USP30: variants seen among roughly 807,000 people sequenced by gnomAD.
USP30 encodes ubiquitin specific peptidase 30.
Under a neutral mutation model 68.2 loss-of-function variants are expected in USP30, and 41 were observed. The ratio of observed to expected loss-of-function variants is 0.60; its 90% CI spans 0.47 to 0.78. USP30 has a LOEUF of 0.78. USP30 is among the 30% of genes least tolerant of loss of function. USP30 has a pLI of 0.00. For missense variants in USP30, 522 were observed against 649.4 expected (o/e 0.80, Z 2.13); for synonymous variants, 229 against 253.7 (o/e 0.90, Z 0.93).
rs1169934932 is a variant in USP30, at chr12:109,087,133, G to T, written c.*1202G>T. ...ATTGAGCACTTTCTTCCCTTTTCAG[G>T]TAAGTCTCTGAATGCAGCCCAGGGC... On this transcript the variant is annotated 3_prime_UTR_variant, in exon 13 of 13. Coordinates refer to ENST00000257548, the MANE Select transcript of USP30 (RefSeq NM_032663.5). The T allele has an allele frequency of 6.6e-6, 1 of 152,002 alleles. No homozygotes were observed. The highest frequency in any genetic ancestry group is 1.5e-5 in the Non-Finnish European group (1 of 68,006). The allele number at this position is 152,002 out of a possible 1,614,324, so 9.4% of individuals were successfully genotyped here. A position where few individuals can be genotyped will look rare whatever the true frequency, so the allele number is the denominator to read the frequency against.
chr12:109,032,382 A>G (rs1329235565), intron 3 of USP30, among the ~76,000 whole-genome samples: 1 of 152,252 alleles, frequency 6.6e-6, no homozygotes, highest in Non-Finnish European at 1.5e-5. Flanking sequence ...AAAATTGGAA[A>G]CAAGTCAAAT....
rs189104041 is a variant in USP30, at chr12:109,029,023, C to T, written c.-136+1467C>T. Among the ~76,000 whole-genome samples, 34 of 152,308 alleles carry T rather than the reference C, an allele frequency of 2.2e-4. No individual in the cohort carries two copies. The East Asian group carries it at 5.8e-3, about 26-fold the overall frequency. ...ATGTTGGCTTGTTGTGGTCCTTACC[C>T]AATTACAGGGCATCTTTACAACTCC... On this transcript the variant is annotated intron_variant, in intron 3 of 15. Transcript: ENST00000392784.
intron 11 of USP30, 49 bp from the exon 12 acceptor site, chr12:109,084,904 T>C: frequency 6.7e-7 from 1 of 1,498,370 alleles, no homozygotes; most frequent in Non-Finnish European, 8.9e-7. Context: ...AGGTTTTGTT[T>C]ACAGAGCCAC....
intron 12 of USP30, 31 bp from the exon 13 acceptor site, chr12:109,085,636 T>G: frequency 1.2e-6 from 2 of 1,602,128 alleles, no homozygotes; most frequent in South Asian, 1.1e-5. Context: ...GTTAAAATTG[T>G]AAACCCCTGA....
intron 6 of USP30, among the ~76,000 whole-genome samples, chr12:109,072,571 T>A (rs933493090): frequency 1.1e-4 from 16 of 152,336 alleles, no homozygotes; most frequent in Admixed American, 1.0e-3. Context: ...CTGGCTTATT[T>A]GTACTTCAAA....
intron 3 of USP30, among the ~76,000 whole-genome samples, chr12:109,030,199 A>C (rs1479378296): frequency 1.3e-5 from 2 of 152,112 alleles, no homozygotes; most frequent in African/African-American, 4.8e-5. Context: ...AGTCAGACAC[A>C]CTCAGCTCTG....
chr12:109,026,683 G>T (rs1290161383), intron 2 of USP30, among the ~76,000 whole-genome samples: 1 of 151,720 alleles, frequency 6.6e-6, no homozygotes, highest in Non-Finnish European at 1.5e-5. Context: ...GCCCAGGCTG[G>T]TCTCAAACTC....
rs942676143 is a variant in USP30, at chr12:109,085,218, A to G, written c.1289+145A>G. ...GTTTCACGATTACACATTCCTATTT[A>G]TTTTTGTCCAAAATGGAAATAACTT... is the stretch of plus-strand genomic sequence containing the variant. On this transcript the variant is annotated intron_variant, in intron 12 of 12. Transcript: ENST00000257548. 5 of 1,027,314 alleles carry G rather than the reference A, an allele frequency of 4.9e-6. No individual in the cohort carries two copies. The Admixed American group carries it at 8.7e-5, about 18-fold the overall frequency. The allele number at this position is 1,027,314 out of a possible 1,614,324, so 63.6% of individuals were successfully genotyped here.
chr12:109,026,274 C>T (rs2040444439), intron 2 of USP30, among the ~76,000 whole-genome samples: 1 of 151,990 alleles, frequency 6.6e-6, no homozygotes, highest in Non-Finnish European at 1.5e-5. Flanking sequence ...CAGGGCTTCA[C>T]TGTGTTGCCC....
At chr12:109,049,897 T>C (rs1342708762), upstream of USP30, among the ~76,000 whole-genome samples, 1 of 152,230 alleles carries the variant, frequency 6.6e-6, no homozygotes, top group African/African-American at 2.4e-5. Context: ...GAGCACATGC[T>C]GTTGAAAATG....
chr12:109,032,746 C>T (rs927146944), intron 3 of USP30, among the ~76,000 whole-genome samples: 2 of 152,086 alleles, frequency 1.3e-5, no homozygotes, highest in Non-Finnish European at 2.9e-5. Context: ...GTTGCACAAC[C>T]CTGTGAATAT....
At chr12:109,024,391 G>A (rs1264994101) in intron 1 of USP30, among the ~76,000 whole-genome samples, 5 of 151,912 alleles carry the variant, frequency 3.3e-5, no homozygotes, top group Non-Finnish European at 7.4e-5. Flanking sequence ...CCGAATAGCT[G>A]GGATTACAGG....
At chr12:109,032,762 A>T (rs994182005) in intron 3 of USP30, among the ~76,000 whole-genome samples, 2 of 152,194 alleles carry the variant, frequency 1.3e-5, no homozygotes, top group African/African-American at 4.8e-5. Context: ...AATATACTTT[A>T]AAAAACCCCT....
At chr12:109,049,591 T>C (rs1413378576), upstream of USP30, among the ~76,000 whole-genome samples, 1 of 151,026 alleles carries the variant, frequency 6.6e-6, no homozygotes, top group Non-Finnish European at 1.5e-5. Flanking sequence ...AGGGCAAGCA[T>C]ATCTCCTGAG....
intron 7 of USP30, among the ~76,000 whole-genome samples, chr12:109,076,850 G>T (rs1207452760): frequency 6.7e-6 from 1 of 150,354 alleles, no homozygotes; most frequent in Non-Finnish European, 1.5e-5. Flanking sequence ...TCCTGCCTCA[G>T]CCTCCCGAGT....
intron 3 of USP30, among the ~76,000 whole-genome samples, chr12:109,060,263 C>T (rs929900329): frequency 6.6e-6 from 1 of 151,588 alleles, no homozygotes; most frequent in Non-Finnish European, 1.5e-5. Context: ...TTAGCAGTGG[C>T]CATTTTGGTA....
intron 1 of USP30, among the ~76,000 whole-genome samples, chr12:109,053,205 A>G (rs114305256): frequency 0.012 from 1,891 of 152,026 alleles, 34 homozygotes; most frequent in African/African-American, 0.043. Context: ...TTCTAGTCCT[A>G]TAAGTGCCCC....
At chr12:109,042,351 G>A (rs556135796) in intron 3 of USP30, among the ~76,000 whole-genome samples, 56 of 152,136 alleles carry the variant, frequency 3.7e-4, no homozygotes, top group African/African-American at 1.2e-3. Context: ...TCAGTCATAC[G>A]GTTCTTTTCC....
chr12:109,052,621 C>CCGGCGGCGG lies in USP30; in HGVS notation c.-48_-40dup, dbSNP rs3217401. ...CTCGGGAACCGTCGTATCCCTCGGTCCGGCGGCGGCGGCGGCGGTAGCGGA... is the reference window on the plus strand; with the variant it reads ...CTCGGGAACCGTCGTATCCCTCGGTCCGGCGGCGGCGGCGGCGGCGGCGGCGGTAGCGGA... On this transcript the variant is annotated 5_prime_UTR_variant, in exon 1 of 13. Transcript: ENST00000257548. 370 of 1,355,164 alleles carry CCGGCGGCGG rather than the reference C, an allele frequency of 2.7e-4. 1 individual carries two copies. Among genetic ancestry groups the CCGGCGGCGG allele is most frequent in the South Asian group, 8.8e-4 (58 of 65,704 alleles). 83.9% of individuals were successfully genotyped at this position (1,355,164 alleles called of 1,614,324 possible).
Sources: gnomAD v4.1 joint callset for allele counts (sites outside exome capture counted in the v4.1 genomes callset) on GRCh38, gnomAD v4.1.1 for gene constraint, MANE v1.5 for transcripts, NCBI Gene and HGNC (gene_info 2026-07-23, HGNC 2026-07-21) for gene names.